LRRTM4: variants seen among roughly 807,000 people sequenced by gnomAD.
The protein encoded by LRRTM4 is leucine-rich repeat transmembrane neuronal protein 4.
A neutral mutation model predicts 47.6 loss-of-function variants in LRRTM4; 25 were observed. That is an observed-to-expected ratio of 0.53 (90% CI 0.38 to 0.73). The LOEUF is 0.73. LRRTM4 is among the 30% of genes least tolerant of loss of function. LRRTM4 has a pLI of 0.00. For missense variants in LRRTM4, 638 were observed against 713.4 expected, an observed-to-expected ratio of 0.89 and a Z score of 1.20; for synonymous variants, 311 against 269.5, an observed-to-expected ratio of 1.15 and a Z score of -1.51.
chr2:77,423,644 G>A, intron 3 of LRRTM4, among the ~76,000 whole-genome samples: 1 of 152,110 alleles, frequency 6.6e-6, no homozygotes, highest in East Asian at 1.9e-4. Flanking sequence ...AGGATGGAAG[G>A]GGCAAAACTT....
chr2:77,293,694 A>G (rs998180391), intron 3 of LRRTM4, among the ~76,000 whole-genome samples: 2 of 152,126 alleles, frequency 1.3e-5, no homozygotes, highest in African/African-American at 4.8e-5. Flanking sequence ...TTTCAGGCTC[A>G]TGAGAGGAAT....
At chr2:77,116,964 CAT>C (rs888775179) in intron 3 of LRRTM4, among the ~76,000 whole-genome samples, 37 of 152,064 alleles carry the variant, frequency 2.4e-4, no homozygotes, top group African/African-American at 7.5e-4. Flanking sequence ...TACACACACA[CAT>C]GCACACATCC....
At chr2:76,955,411 T>C (rs1297023187) in intron 3 of LRRTM4, among the ~76,000 whole-genome samples, 1 of 151,794 alleles carries the variant, frequency 6.6e-6, no homozygotes, top group African/African-American at 2.4e-5. Context: ...ATTGTTACCA[T>C]GATAAGGTGT....
chr2:76,943,498 G>A (rs1675220902), intron 3 of LRRTM4, among the ~76,000 whole-genome samples: 1 of 152,158 alleles, frequency 6.6e-6, no homozygotes, highest in Admixed American at 6.5e-5. Flanking sequence ...ACATGTTTGA[G>A]CATCACTTAA....
chr2:77,044,724 C>A (rs942312606), intron 3 of LRRTM4, among the ~76,000 whole-genome samples: 1 of 151,512 alleles, frequency 6.6e-6, no homozygotes, highest in African/African-American at 2.4e-5. Context: ...ATGTATATGT[C>A]TCATTTGTGC....
At chr2:77,101,620 A>G (rs2103912038) in intron 3 of LRRTM4, among the ~76,000 whole-genome samples, 1 of 152,274 alleles carries the variant, frequency 6.6e-6, no homozygotes, top group South Asian at 2.1e-4. Context: ...CTGGCAGTCC[A>G]AAGCCCATCT....
At chr2:77,144,257 T>C (rs539038569) in intron 3 of LRRTM4, among the ~76,000 whole-genome samples, 1 of 152,204 alleles carries the variant, frequency 6.6e-6, no homozygotes, top group African/African-American at 2.4e-5. Context: ...ACAGTCACTC[T>C]GTGTAATTAA....
intron 3 of LRRTM4, among the ~76,000 whole-genome samples, chr2:76,797,609 A>ATAACAATAT (rs1466761894): frequency 6.6e-6 from 1 of 151,730 alleles, no homozygotes; most frequent in African/African-American, 2.4e-5. Context: ...AAATTCACAC[A>ATAACAATAT]TAACAATATT....
intron 3 of LRRTM4, among the ~76,000 whole-genome samples, chr2:77,370,342 G>A (rs1384472956): frequency 6.6e-6 from 1 of 151,748 alleles, no homozygotes; most frequent in East Asian, 1.9e-4. Flanking sequence ...AGAAAATAGA[G>A]AGCCCACTAA....
chr2:77,197,933 T>C (rs931123206), intron 3 of LRRTM4, among the ~76,000 whole-genome samples: 3 of 152,238 alleles, frequency 2.0e-5, no homozygotes, highest in African/African-American at 4.8e-5. Context: ...TTTTGAATTA[T>C]ATTTTCATTT....
chr2:76,904,721 C>T (rs964446090), intron 3 of LRRTM4, among the ~76,000 whole-genome samples: 7 of 152,144 alleles, frequency 4.6e-5, no homozygotes, highest in Non-Finnish European at 1.0e-4. Context: ...AAACTCCATA[C>T]ACCACCGTCA....
chr2:77,025,548 C>T (rs1269195097), intron 3 of LRRTM4, among the ~76,000 whole-genome samples: 1 of 152,118 alleles, frequency 6.6e-6, no homozygotes, highest in Non-Finnish European at 1.5e-5. Context: ...TAGTCTTGAT[C>T]TGTGTTCCTT....
chr2:77,303,040 C>T (rs1042741528), intron 3 of LRRTM4, among the ~76,000 whole-genome samples: 4 of 152,144 alleles, frequency 2.6e-5, no homozygotes, highest in African/African-American at 9.7e-5. Context: ...TTAGGCCCCA[C>T]CATTGCTCAG....
chr2:77,381,699 G>C (rs1162132535), intron 3 of LRRTM4, among the ~76,000 whole-genome samples: 1 of 151,998 alleles, frequency 6.6e-6, no homozygotes. Flanking sequence ...GAAAGTTCAA[G>C]TTGTCATAAG....
intron 3 of LRRTM4, among the ~76,000 whole-genome samples, chr2:76,889,460 C>T (rs562527221): frequency 3.3e-5 from 5 of 151,974 alleles, no homozygotes; most frequent in South Asian, 2.1e-4. Context: ...AATAAAGTAT[C>T]CCTTCCTTCA....
At position 77,257,564 on chromosome 2, in the gene LRRTM4, A is replaced by C. The variant is rs1482530328; in HGVS notation, c.1551+260754T>G. 5.3e-5 allele frequency among the ~76,000 whole-genome samples: 8 copies of C among 152,242 alleles called. 1 individual carries two copies. The highest frequency in any genetic ancestry group is 2.0e-4 in the Admixed American group (3 of 15,256). ...ATATCTTTATAAATGGAAAGTCATGATATTCACAGATTAGAAAACTTTTTA... is the reference window on the plus strand; with the variant it reads ...ATATCTTTATAAATGGAAAGTCATGCTATTCACAGATTAGAAAACTTTTTA... On this transcript the variant is annotated intron_variant, in intron 3 of 3. Transcript: ENST00000409884.
At chr2:76,795,795 G>GAAAAGT (rs1220362104) in intron 3 of LRRTM4, among the ~76,000 whole-genome samples, 1 of 151,970 alleles carries the variant, frequency 6.6e-6, no homozygotes, top group African/African-American at 2.4e-5. Flanking sequence ...TATCAGAAAA[G>GAAAAGT]AAAAGTGAAG....
intron 3 of LRRTM4, among the ~76,000 whole-genome samples, chr2:76,944,821 G>A (rs1210718889): frequency 1.3e-5 from 2 of 152,128 alleles, no homozygotes; most frequent in East Asian, 3.9e-4. Flanking sequence ...CGAGTAAAAA[G>A]AGTCTCGGAG....
At chr2:77,142,493 G>C (rs1037121561) in intron 3 of LRRTM4, among the ~76,000 whole-genome samples, 2 of 151,552 alleles carry the variant, frequency 1.3e-5, no homozygotes, top group African/African-American at 2.4e-5. Flanking sequence ...AAACTTGATA[G>C]TTCTATTGAT....
Sources: allele counts gnomAD v4.1 joint callset (sites outside exome capture counted in the v4.1 genomes callset), GRCh38; gene constraint gnomAD v4.1.1; transcripts MANE v1.5; gene names NCBI Gene and HGNC (gene_info 2026-07-23, HGNC 2026-07-21).